Variants in CDKL4 observed in about 807,000 individuals in gnomAD.
CDKL4 encodes the protein cyclin-dependent kinase-like 4.
In CDKL4, 44 loss-of-function variants were observed where a neutral mutation model predicts 42.0. That is an observed-to-expected ratio of 1.05 (90% confidence interval 0.82 to 1.35). The LOEUF (loss-of-function observed/expected upper bound fraction) is 1.35. Among genes scored for constraint, CDKL4 ranks in the 40% most tolerant of loss-of-function variants. The pLI, the probability that CDKL4 is intolerant of heterozygous loss-of-function variation, is 0.00. For synonymous variants in CDKL4, 120 were observed against 121.6 expected, an observed-to-expected ratio of 0.99 and a Z score of 0.09; for missense variants, 393 against 369.9, an observed-to-expected ratio of 1.06 and a Z score of -0.51.
chr2:39,184,038 T>C (rs144362770), intron 8 of CDKL4, among the ~76,000 whole-genome samples: 15 of 152,302 alleles, frequency 9.8e-5, no homozygotes, highest in African/African-American at 3.4e-4. Context: ...CTCATGAAAA[T>C]TCCCCTTCTG....
chr2:39,182,982 G>A (rs1675527282), intron 8 of CDKL4, among the ~76,000 whole-genome samples: 1 of 152,100 alleles, frequency 6.6e-6, no homozygotes. Context: ...GTACTTATTT[G>A]CCATTAAAGA....
intron 1 of CDKL4, among the ~76,000 whole-genome samples, chr2:39,235,624 G>A (rs1679328192): frequency 6.6e-6 from 1 of 152,138 alleles, no homozygotes; most frequent in Non-Finnish European, 1.5e-5. Context: ...GTACATGCCA[G>A]TATTCCTAGC....
chr2:39,205,777 A>AAAAAAG (rs1171474629), intron 4 of CDKL4, among the ~76,000 whole-genome samples: 21 of 149,452 alleles, frequency 1.4e-4, no homozygotes, highest in Non-Finnish European at 2.5e-4. Flanking sequence ...AAAAAAAAAA[A>AAAAAAG]AAAGAAAGAA....
chr2:39,175,985 G>T (rs774835017), exon 10 of CDKL4: 8 of 469,240 alleles, frequency 1.7e-5, no homozygotes, highest in South Asian at 1.3e-4. Flanking sequence ...GCACTTGAAA[G>T]AACATTTTCC....
intron 1 of CDKL4, among the ~76,000 whole-genome samples, chr2:39,232,188 A>C (rs532484206): frequency 5.3e-5 from 8 of 152,282 alleles, no homozygotes; most frequent in Admixed American, 2.0e-4. Flanking sequence ...CAAACTGCTA[A>C]ATACAATAAA....
chr2:39,206,114 C>A lies in CDKL4; in HGVS notation c.364-1497G>T, dbSNP rs547806316. Among the ~76,000 whole-genome samples the A allele has an allele frequency of 1.1e-4, 16 of 151,806 alleles. 1 individual carries two copies. The South Asian group carries it at 3.3e-3, about 32-fold the overall frequency. On this transcript the variant is annotated intron_variant, in intron 4 of 9. Coordinates refer to ENST00000451199, the Ensembl canonical transcript of CDKL4. ...TGTCGCCCAGGCTGGAGCTCAGTGGCGCGATCTCGGCTCACTGCAACCTCC... is the reference window on the plus strand; with the variant it reads ...TGTCGCCCAGGCTGGAGCTCAGTGGAGCGATCTCGGCTCACTGCAACCTCC...
intron 7 of CDKL4, among the ~76,000 whole-genome samples, chr2:39,185,985 G>T (rs896504644): frequency 1.3e-5 from 2 of 151,872 alleles, no homozygotes; most frequent in Admixed American, 1.3e-4. Flanking sequence ...AAAATACATT[G>T]GACTACATGC....
intron 1 of CDKL4, among the ~76,000 whole-genome samples, chr2:39,237,668 T>C (rs1198390115): frequency 6.6e-6 from 1 of 152,092 alleles, no homozygotes; most frequent in Non-Finnish European, 1.5e-5. Context: ...GCAGCCTGAG[T>C]AACACAGCAA....
downstream of CDKL4, among the ~76,000 whole-genome samples, chr2:39,171,967 G>C (rs1314666450): frequency 6.6e-6 from 1 of 152,174 alleles, no homozygotes; most frequent in African/African-American, 2.4e-5. Context: ...ACGGGATCAA[G>C]TAGGATTCTA....
At chr2:39,227,508 G>A (rs557123289) in intron 2 of CDKL4, among the ~76,000 whole-genome samples, 18 of 152,024 alleles carry the variant, frequency 1.2e-4, no homozygotes, top group South Asian at 2.1e-4. Context: ...CAGGAGGATC[G>A]CGTGAACCTA....
At chr2:39,181,703 G>A (rs1275051089) in intron 8 of CDKL4, among the ~76,000 whole-genome samples, 2 of 152,216 alleles carry the variant, frequency 1.3e-5, no homozygotes, top group African/African-American at 2.4e-5. Flanking sequence ...GGAAGATGGT[G>A]TAGACAGACA....
downstream of CDKL4, among the ~76,000 whole-genome samples, chr2:39,171,489 C>A (rs1028377712): frequency 2.0e-5 from 3 of 152,176 alleles, no homozygotes; most frequent in Non-Finnish European, 4.4e-5. Context: ...AAAAAGTGAT[C>A]TCCTAAAAGG....
chr2:39,225,031 C>A (rs1291527251), intron 3 of CDKL4, among the ~76,000 whole-genome samples: 1 of 152,066 alleles, frequency 6.6e-6, no homozygotes, highest in Non-Finnish European at 1.5e-5. Flanking sequence ...CTCAGAACAA[C>A]GTTGCATTAT....
chr2:39,219,017 A>G (rs999885391), intron 3 of CDKL4, among the ~76,000 whole-genome samples: 1 of 152,320 alleles, frequency 6.6e-6, no homozygotes, highest in Non-Finnish European at 1.5e-5. Context: ...TCAAAGACTC[A>G]TAACTCTTCT....
downstream of CDKL4, among the ~76,000 whole-genome samples, chr2:39,173,983 C>CA (rs1281388696): frequency 6.7e-6 from 1 of 149,368 alleles, no homozygotes; most frequent in African/African-American, 2.5e-5. Flanking sequence ...GTCTCAAAAA[C>CA]AAAAAAAGCA....
At chr2:39,234,842 C>T (rs543648485) in intron 1 of CDKL4, among the ~76,000 whole-genome samples, 2 of 151,922 alleles carry the variant, frequency 1.3e-5, no homozygotes, top group African/African-American at 4.8e-5. Context: ...TTATATTCAG[C>T]CAAGGTGTGT....
chr2:39,209,800 A>G (rs1210387191), intron 4 of CDKL4, among the ~76,000 whole-genome samples: 1 of 152,170 alleles, frequency 6.6e-6, no homozygotes, highest in Non-Finnish European at 1.5e-5. Context: ...TGAGACTATC[A>G]TGGGAGTTCC....
intron 6 of CDKL4, among the ~76,000 whole-genome samples, chr2:39,189,782 A>G (rs532648351): frequency 6.6e-6 from 1 of 152,384 alleles, no homozygotes; most frequent in South Asian, 2.1e-4. Context: ...AGCTATGCTC[A>G]TTTGTTGACA....
chr2:39,240,069 G>C (rs1035802398), intron 1 of CDKL4, among the ~76,000 whole-genome samples: 5 of 151,536 alleles, frequency 3.3e-5, no homozygotes, highest in Non-Finnish European at 7.4e-5. Flanking sequence ...CAGCCTGGGT[G>C]ACAGAGTGAG....
Sources: gnomAD v4.1 joint callset for allele counts (sites outside exome capture counted in the v4.1 genomes callset) on GRCh38, gnomAD v4.1.1 for gene constraint, MANE v1.5 for transcripts, NCBI Gene and HGNC (gene_info 2026-07-23, HGNC 2026-07-21) for gene names.